Variants in FNDC3B observed in about 807,000 individuals in gnomAD.
FNDC3B encodes the protein fibronectin type III domain containing 3B.
A neutral mutation model predicts 151.5 loss-of-function variants in FNDC3B; 12 were observed. That is an observed-to-expected ratio of 0.08 (90% CI 0.05 to 0.13). The LOEUF (loss-of-function observed/expected upper bound fraction) is 0.13, where lower values mean the gene tolerates loss of function less well. Among genes scored for constraint, FNDC3B ranks in the 10% least tolerant of loss-of-function variants. The pLI, the probability that FNDC3B is intolerant of heterozygous loss-of-function variation, is 1.00. For missense variants in FNDC3B, 1,214 were observed against 1,505.3 expected (o/e 0.81, Z 3.20); for synonymous variants, 528 against 549.0 (o/e 0.96, Z 0.54).
chr3:172,049,551 G>C (rs551491815), intron 1 of FNDC3B, among the ~76,000 whole-genome samples: 85 of 152,092 alleles, frequency 5.6e-4, no homozygotes, highest in Non-Finnish European at 8.5e-4. Flanking sequence ...TTTTGAGATA[G>C]AATTTCGCTC....
At chr3:172,344,537 G>C (rs1025828061) in intron 19 of FNDC3B, among the ~76,000 whole-genome samples, 1 of 152,178 alleles carries the variant, frequency 6.6e-6, no homozygotes, top group Non-Finnish European at 1.5e-5. Flanking sequence ...ATTTTCGACA[G>C]TTTTTGGAAA....
intron 16 of FNDC3B, 21 bp from the exon 17 acceptor site, chr3:172,341,092 T>A: frequency 6.6e-7 from 1 of 1,514,248 alleles, no homozygotes; most frequent in South Asian, 1.1e-5. Flanking sequence ...CATAAAGTCA[T>A]GCATAAGTCT....
At chr3:172,128,511 A>C (rs1416185620) in intron 2 of FNDC3B, among the ~76,000 whole-genome samples, 1 of 147,910 alleles carries the variant, frequency 6.8e-6, no homozygotes, top group African/African-American at 2.5e-5. Flanking sequence ...GTGGATGAAC[A>C]GTTTGGGTAT....
intron 4 of FNDC3B, among the ~76,000 whole-genome samples, chr3:172,241,031 T>G (rs1179041237): frequency 6.6e-6 from 1 of 152,106 alleles, no homozygotes; most frequent in East Asian, 1.9e-4. Context: ...AAAACAGACA[T>G]GATAAAGAAT....
rs1195281476 is a variant in FNDC3B, at chr3:172,239,853, G to GTTTTTTTT, written c.265-7678_265-7677insTTTTTTTT. 9.0e-4 allele frequency among the ~76,000 whole-genome samples: 59 copies of GTTTTTTTT among 65,866 alleles called. 3 individuals carry two copies. Among genetic ancestry groups the GTTTTTTTT allele is most frequent in the African/African-American group, 3.1e-3 (55 of 17,684 alleles). 43.2% of individuals were successfully genotyped at this position (65,866 alleles called of 152,430 possible). A position where few individuals can be genotyped will look rare whatever the true frequency, so the allele number is the denominator to read the frequency against. On this transcript the variant is annotated intron_variant, in intron 4 of 25. Transcript: ENST00000415807. ...AAATGTTTTTAGGAGATCCATTTTA[G>GTTTTTTTT]TTCTTTTTTTTTTTTTTTTTTTTTT... is the stretch of plus-strand genomic sequence containing the variant.
chr3:172,112,639 C>A, intron 2 of FNDC3B, 49 bp downstream of exon 2: 2 of 1,163,654 alleles, frequency 1.7e-6, no homozygotes, highest in Non-Finnish European at 2.6e-6. Flanking sequence ...AAGTGGGAAA[C>A]AGTAACACAG....
intron 1 of FNDC3B, among the ~76,000 whole-genome samples, chr3:172,090,131 C>T (rs1718739587): frequency 6.6e-6 from 1 of 152,106 alleles, no homozygotes; most frequent in East Asian, 1.9e-4. Context: ...AAGTGGAAGC[C>T]AGAGACTTTG....
rs141205495 is a variant in FNDC3B, at chr3:172,382,173, G to A, written c.3303+1080G>A. Among the ~76,000 whole-genome samples the A allele has an allele frequency of 6.2e-4, 95 of 152,306 alleles. No homozygotes were observed. The Middle Eastern group carries it at 0.01, about 16-fold the overall frequency. ...TTAAATGATTGCCATTCTAACTGGCGTGAAATGGTATCTCATAGTAGTTTT... is the reference window on the plus strand; with the variant it reads ...TTAAATGATTGCCATTCTAACTGGCATGAAATGGTATCTCATAGTAGTTTT... On this transcript the variant is annotated intron_variant, in intron 25 of 25. Coordinates refer to ENST00000415807, the MANE Select transcript of FNDC3B (RefSeq NM_022763.4).
intron 3 of FNDC3B, among the ~76,000 whole-genome samples, chr3:172,184,825 G>C (rs551154298): frequency 6.6e-6 from 1 of 152,148 alleles, no homozygotes; most frequent in Non-Finnish European, 1.5e-5. Flanking sequence ...ATGGTGGGGA[G>C]CAAGAATCCC....
At chr3:172,393,844 C>T (rs947201045) in intron 25 of FNDC3B, among the ~76,000 whole-genome samples, 2 of 152,166 alleles carry the variant, frequency 1.3e-5, no homozygotes, top group East Asian at 3.9e-4. Context: ...CACAGTGGCT[C>T]ACACCTGTAA....
chr3:172,220,736 C>T (rs1443548473), intron 3 of FNDC3B, among the ~76,000 whole-genome samples: 4 of 151,340 alleles, frequency 2.6e-5, no homozygotes, highest in Non-Finnish European at 4.4e-5. Context: ...ATTTGGAGTC[C>T]CTGGAATTTT....
At chr3:172,276,456 G>A (rs142494724) in intron 6 of FNDC3B, among the ~76,000 whole-genome samples, 1 of 152,172 alleles carries the variant, frequency 6.6e-6, no homozygotes, top group East Asian at 1.9e-4. Flanking sequence ...AAAGTGGGAG[G>A]GAGAACTAAT....
In FNDC3B at chr3:172,227,264, C is replaced by A. The variant is rs535709877; in HGVS notation, c.264+317C>A. 75 of 210,914 alleles carry A rather than the reference C, an allele frequency of 3.6e-4. 1 individual carries two copies. The highest frequency in any genetic ancestry group is 6.4e-4 in the Non-Finnish European group (67 of 105,380). 13.1% of individuals were successfully genotyped at this position (210,914 alleles called of 1,614,324 possible). ...TTCCTTCCACCTGTAATACAACTTT[C>A]TGGAAGAAAATTCATAGATGTAGTT... is the stretch of plus-strand genomic sequence containing the variant. On this transcript the variant is annotated intron_variant, in intron 4 of 25. Coordinates refer to ENST00000415807, the MANE Select transcript of FNDC3B (RefSeq NM_022763.4).
chr3:172,150,701 A>G (rs965056387), intron 3 of FNDC3B, among the ~76,000 whole-genome samples: 2 of 152,034 alleles, frequency 1.3e-5, no homozygotes, highest in East Asian at 3.8e-4. Flanking sequence ...GGTACTTGGA[A>G]TCGGTGAAAT....
At chr3:172,083,468 G>A (rs956084187) in intron 1 of FNDC3B, among the ~76,000 whole-genome samples, 11 of 152,344 alleles carry the variant, frequency 7.2e-5, no homozygotes, top group Admixed American at 3.3e-4. Context: ...TCATCTGTCT[G>A]TTCACATTGC....
At chr3:172,053,420 C>T (rs1177155532) in intron 1 of FNDC3B, among the ~76,000 whole-genome samples, 1 of 152,128 alleles carries the variant, frequency 6.6e-6, no homozygotes, top group Non-Finnish European at 1.5e-5. Context: ...TGGCTGAATA[C>T]TAAGGCTAAA....
intron 4 of FNDC3B, among the ~76,000 whole-genome samples, chr3:172,230,559 A>T (rs1368007826): frequency 6.6e-6 from 1 of 152,060 alleles, no homozygotes; most frequent in Non-Finnish European, 1.5e-5. Flanking sequence ...ACAAAATGGG[A>T]GAAAATATGT....
At chr3:172,045,794 C>CTA (rs1164183832) in intron 1 of FNDC3B, among the ~76,000 whole-genome samples, 16 of 146,880 alleles carry the variant, frequency 1.1e-4, no homozygotes, top group South Asian at 8.7e-4. Flanking sequence ...CTCTCTCTCT[C>CTA]TATATATATA....
At chr3:172,123,387 T>A (rs1194780168) in intron 2 of FNDC3B, among the ~76,000 whole-genome samples, 1 of 110,820 alleles carries the variant, frequency 9.0e-6, no homozygotes, top group Non-Finnish European at 2.2e-5. Context: ...AATCAGAAGT[T>A]GATAATTTTT....
Sources: gnomAD v4.1 joint callset for allele counts (sites outside exome capture counted in the v4.1 genomes callset) on GRCh38, gnomAD v4.1.1 for gene constraint, MANE v1.5 for transcripts, NCBI Gene and HGNC (gene_info 2026-07-23, HGNC 2026-07-21) for gene names.